The following TAFA2 variants were observed in gnomAD, a reference collection of about 807,000 sequenced individuals.
TAFA2 encodes the protein chemokine-like protein TAFA-2.
A neutral mutation model predicts 18.8 loss-of-function variants in TAFA2; 7 were observed. The ratio of observed to expected loss-of-function variants is 0.37; its 90% confidence interval spans 0.21 to 0.70. TAFA2 has a LOEUF of 0.70. Among genes scored for constraint, TAFA2 ranks in the 30% least tolerant of loss-of-function variants. The probability of loss-of-function intolerance (pLI) is 0.53; values close to 1 mark genes in which losing one functional copy is unlikely to be tolerated. For synonymous variants in TAFA2, 60 were observed against 54.2 expected (o/e 1.11, Z -0.47); for missense variants, 122 against 158.1 (o/e 0.77, Z 1.23).
intron 2 of TAFA2, among the ~76,000 whole-genome samples, chr12:61,762,648 T>TATATATAC (rs1304496359): frequency 6.7e-6 from 1 of 150,344 alleles, no homozygotes; most frequent in East Asian, 2.0e-4. Flanking sequence ...TATATATATA[T>TATATATAC]ATACATACAC....
chr12:62,100,503 A>G (rs1275845062), intron 1 of TAFA2, among the ~76,000 whole-genome samples: 1 of 151,828 alleles, frequency 6.6e-6, no homozygotes, highest in African/African-American at 2.4e-5. Flanking sequence ...CTAAATATAG[A>G]CTCCAGCAAT....
At chr12:61,830,217 G>A (rs1872667970) in intron 2 of TAFA2, among the ~76,000 whole-genome samples, 1 of 149,712 alleles carries the variant, frequency 6.7e-6, no homozygotes, top group Non-Finnish European at 1.5e-5. Context: ...ATATGTATAT[G>A]TATATATTAT....
intron 1 of TAFA2, among the ~76,000 whole-genome samples, chr12:61,915,901 C>A (rs74096113): frequency 6.6e-6 from 1 of 152,114 alleles, no homozygotes; most frequent in Non-Finnish European, 1.5e-5. Context: ...CTTCCAGAAA[C>A]AGCCTCACAG....
chr12:61,950,187 T>G (rs1878416912), intron 1 of TAFA2, among the ~76,000 whole-genome samples: 1 of 152,194 alleles, frequency 6.6e-6, no homozygotes, highest in African/African-American at 2.4e-5. Context: ...TGAGTTGTTT[T>G]CATGTCTTGG....
At chr12:61,974,048 A>G (rs1249048867) in intron 1 of TAFA2, among the ~76,000 whole-genome samples, 1 of 151,822 alleles carries the variant, frequency 6.6e-6, no homozygotes, top group Non-Finnish European at 1.5e-5. Context: ...ATGACACTCT[A>G]GTAAGTAGAC....
In TAFA2 at chr12:61,899,341, C is replaced by G. The variant is rs2121313423; in HGVS notation, c.-1-31915G>C. On this transcript the variant is annotated intron_variant, in intron 1 of 4. Coordinates refer to ENST00000416284, the MANE Select transcript of TAFA2 (RefSeq NM_178539.5). ...TTGGTACCAATTTATTGTACTAGTC[C>G]ATTTTCACCCTGATATAAAGAACTG... is the stretch of plus-strand genomic sequence containing the variant. 3.3e-5 allele frequency among the ~76,000 whole-genome samples: 5 copies of G among 152,174 alleles called. No homozygotes were observed. In the Middle Eastern group the frequency reaches 0.01, roughly 311 times the overall value.
intron 1 of TAFA2, among the ~76,000 whole-genome samples, chr12:62,040,733 C>T (rs766942119): frequency 5.3e-5 from 8 of 152,006 alleles, no homozygotes; most frequent in Admixed American, 2.0e-4. Context: ...AAAGCTAACA[C>T]GAATATTTAC....
At chr12:62,215,737 C>CTTGTTTCTCTTGCTTAAGAGAAACAAG (rs1373882398) in intron 1 of TAFA2, among the ~76,000 whole-genome samples, 11 of 138,230 alleles carry the variant, frequency 8.0e-5, no homozygotes, top group Non-Finnish European at 1.7e-4. Context: ...AGAGAAACAA[C>CTTGTTTCTCTTGCTTAAGAGAAACAAG]TTGTTTCTCA....
intron 1 of TAFA2, among the ~76,000 whole-genome samples, chr12:61,940,065 G>C (rs1003038272): frequency 4.6e-5 from 7 of 152,308 alleles, no homozygotes; most frequent in South Asian, 2.1e-4. Flanking sequence ...CAAATAATCT[G>C]TTCTGGCTGC....
intron 1 of TAFA2, among the ~76,000 whole-genome samples, chr12:61,896,037 A>G (rs572775166): frequency 6.6e-6 from 1 of 152,118 alleles, no homozygotes; most frequent in Admixed American, 6.6e-5. Flanking sequence ...AGAATGAGAG[A>G]GAGAAATGAG....
chr12:61,921,557 G>A (rs1189810425), intron 1 of TAFA2, among the ~76,000 whole-genome samples: 5 of 152,140 alleles, frequency 3.3e-5, no homozygotes, highest in African/African-American at 1.2e-4. Flanking sequence ...ATGGTGTGGT[G>A]TGGTGGGGTA....
At chr12:61,953,759 T>C (rs918681583) in intron 1 of TAFA2, among the ~76,000 whole-genome samples, 9 of 152,098 alleles carry the variant, frequency 5.9e-5, no homozygotes, top group African/African-American at 2.2e-4. Context: ...CAGGGCATGG[T>C]TGGAGAAACC....
At chr12:62,116,016 G>A (rs1869948510) in intron 1 of TAFA2, among the ~76,000 whole-genome samples, 1 of 152,078 alleles carries the variant, frequency 6.6e-6, no homozygotes, top group South Asian at 2.1e-4. Flanking sequence ...ATCTAGGAAA[G>A]TAACATTTTA....
At chr12:61,813,888 A>C (rs1592406747) in intron 2 of TAFA2, among the ~76,000 whole-genome samples, 1 of 151,640 alleles carries the variant, frequency 6.6e-6, no homozygotes, top group Non-Finnish European at 1.5e-5. Flanking sequence ...CACATAAAGT[A>C]TATAATACAC....
chr12:61,818,043 C>T (rs907575598), intron 2 of TAFA2, among the ~76,000 whole-genome samples: 1 of 152,162 alleles, frequency 6.6e-6, no homozygotes, highest in Non-Finnish European at 1.5e-5. Context: ...CATTCCTCCT[C>T]ATAATTCAGA....
chr12:62,078,635 C>T (rs1868274318), intron 1 of TAFA2, among the ~76,000 whole-genome samples: 1 of 152,222 alleles, frequency 6.6e-6, no homozygotes. Flanking sequence ...TACGTGCCTA[C>T]ACATCACTCC....
At chr12:62,197,861 A>T (rs942370846) in intron 1 of TAFA2, among the ~76,000 whole-genome samples, 3 of 152,160 alleles carry the variant, frequency 2.0e-5, no homozygotes, top group Non-Finnish European at 4.4e-5. Context: ...CTTAATGAAC[A>T]TTTGGGTTAC....
intron 4 of TAFA2, among the ~76,000 whole-genome samples, chr12:61,723,186 A>G (rs934126613): frequency 5.9e-5 from 9 of 152,162 alleles, no homozygotes; most frequent in Non-Finnish European, 8.8e-5. Flanking sequence ...GCACTTTGTC[A>G]TAGTTCTATT....
rs1275469516 is a variant in TAFA2, at chr12:61,793,526, AACT to A, written c.107-38505_107-38503del. 7.9e-5 allele frequency among the ~76,000 whole-genome samples: 12 copies of A among 151,864 alleles called. No individual in the cohort carries two copies. The East Asian group carries it at 2.3e-3, about 29-fold the overall frequency. ...ATGGGTAAATTCTTTTAAAAACATAAACTACTAAACCTCACTCAAGAAGAATTG... is the reference window on the plus strand; with the variant it reads ...ATGGGTAAATTCTTTTAAAAACATAAACTAAACCTCACTCAAGAAGAATTG... On this transcript the variant is annotated intron_variant, in intron 2 of 4. Coordinates refer to ENST00000416284, the MANE Select transcript of TAFA2 (RefSeq NM_178539.5).
Sources: gnomAD v4.1 joint callset for allele counts (sites outside exome capture counted in the v4.1 genomes callset) on GRCh38, gnomAD v4.1.1 for gene constraint, MANE v1.5 for transcripts, NCBI Gene and HGNC (gene_info 2026-07-23, HGNC 2026-07-21) for gene names.